RIMS2: variants seen among roughly 807,000 people sequenced by gnomAD.
RIMS2 encodes regulating synaptic membrane exocytosis 2.
Under a neutral mutation model 174.4 loss-of-function variants are expected in RIMS2, and 59 were observed. The observed-to-expected ratio is 0.34, with a 90% CI of 0.27 to 0.42. The LOEUF is 0.42. Among genes scored for constraint, RIMS2 ranks in the 10% least tolerant of loss-of-function variants. The probability of loss-of-function intolerance (pLI) is 1.00; values close to 1 mark genes in which losing one functional copy is unlikely to be tolerated. For synonymous variants in RIMS2, 606 were observed against 572.5 expected (o/e 1.06, Z -0.84); for missense variants, 1,620 against 1,666.3 (o/e 0.97, Z 0.48).
At chr8:103,789,182 A>G (rs2098472998) in intron 3 of RIMS2, among the ~76,000 whole-genome samples, 1 of 151,848 alleles carries the variant, frequency 6.6e-6, no homozygotes, top group African/African-American at 2.4e-5. Flanking sequence ...GGCACTCCCT[A>G]GTGAGATGAA....
intron 4 of RIMS2, among the ~76,000 whole-genome samples, chr8:103,905,780 T>C (rs562246905): frequency 8.6e-5 from 13 of 151,160 alleles, no homozygotes; most frequent in East Asian, 5.8e-4. Context: ...CTTTTCTTTT[T>C]TTTTTTTTTC....
chr8:103,830,201 C>G (rs1407432250), intron 3 of RIMS2, among the ~76,000 whole-genome samples: 1 of 151,812 alleles, frequency 6.6e-6, no homozygotes, highest in Non-Finnish European at 1.5e-5. Flanking sequence ...TTACTTTTCT[C>G]TCGTTTGTCT....
At chr8:103,923,422 A>G (rs2078115672) in intron 10 of RIMS2, among the ~76,000 whole-genome samples, 1 of 151,882 alleles carries the variant, frequency 6.6e-6, no homozygotes, top group African/African-American at 2.4e-5. Flanking sequence ...TTGGACTAGG[A>G]GGGGAGGATG....
In RIMS2 at chr8:104,033,140, C is replaced by T. The variant is rs2096436781; in HGVS notation, c.3334+18525C>T. 2.0e-5 allele frequency among the ~76,000 whole-genome samples: 3 copies of T among 151,714 alleles called. No homozygotes were observed. In the South Asian group the frequency reaches 6.2e-4, roughly 31 times the overall value. On this transcript the variant is annotated intron_variant, in intron 19 of 23. Transcript: ENST00000504942. ...CCTACTGAAAATGTAATAAAATAAA[C>T]TGGAATTCACATTGGGAATTTAAAT... is the stretch of plus-strand genomic sequence containing the variant.
At position 103,796,065 on chromosome 8, in the gene RIMS2, A is replaced by G. The variant is rs139488721; in HGVS notation, c.698+29528A>G. Among the ~76,000 whole-genome samples the G allele has an allele frequency of 2.6e-5, 4 of 152,160 alleles. No homozygotes were observed. In the East Asian group the frequency reaches 7.7e-4, roughly 29 times the overall value. ...CCTCTTGATTTTATAATATGTACAT[A>G]TTTATGATTTTGATTAATTTCATCC... is the stretch of plus-strand genomic sequence containing the variant. On this transcript the variant is annotated intron_variant, in intron 3 of 23. Coordinates refer to ENST00000504942, the Ensembl canonical transcript of RIMS2.
chr8:104,026,231 T>G (rs921323566), intron 19 of RIMS2, among the ~76,000 whole-genome samples: 1 of 152,264 alleles, frequency 6.6e-6, no homozygotes, highest in Non-Finnish European at 1.5e-5. Context: ...CATATTTCAA[T>G]GCATGTGTAA....
chr8:103,657,181 C>G (rs12681640), intron 1 of RIMS2, among the ~76,000 whole-genome samples: 9,934 of 152,174 alleles, frequency 0.065, 399 homozygotes, highest in South Asian at 0.088. Context: ...GAGTCACAGC[C>G]CAAGAGCACA....
At chr8:104,165,447 G>A (rs1036158595) in intron 19 of RIMS2, among the ~76,000 whole-genome samples, 7 of 150,870 alleles carry the variant, frequency 4.6e-5, no homozygotes, top group Non-Finnish European at 5.9e-5. Context: ...GAAACTTAGC[G>A]GGAAAAATTG....
At chr8:103,956,191 A>G (rs1419110611) in intron 14 of RIMS2, among the ~76,000 whole-genome samples, 1 of 152,222 alleles carries the variant, frequency 6.6e-6, no homozygotes, top group East Asian at 1.9e-4. Flanking sequence ...TAATTTATAC[A>G]TTTAATGCTA....
At chr8:103,619,261 A>ACTGT (rs71297221) in intron 1 of RIMS2, among the ~76,000 whole-genome samples, 27,551 of 151,836 alleles carry the variant, frequency 0.18, 2,714 homozygotes, top group African/African-American at 0.25. Flanking sequence ...TTCTGTAAAA[A>ACTGT]CTATTTCAGA....
intron 1 of RIMS2, among the ~76,000 whole-genome samples, chr8:103,693,339 G>A (rs1186333486): frequency 1.3e-5 from 2 of 152,090 alleles, no homozygotes; most frequent in African/African-American, 4.8e-5. Flanking sequence ...AAGTTAAAAC[G>A]AGGTACTGTA....
chr8:103,743,579 T>A (rs1489330272), intron 2 of RIMS2, among the ~76,000 whole-genome samples: 6 of 152,176 alleles, frequency 3.9e-5, no homozygotes, highest in African/African-American at 1.4e-4. Flanking sequence ...TACTTATGAT[T>A]TTATTGATAT....
At chr8:103,748,017 G>T (rs995651510) in intron 2 of RIMS2, among the ~76,000 whole-genome samples, 5 of 152,206 alleles carry the variant, frequency 3.3e-5, no homozygotes, top group Non-Finnish European at 7.4e-5. Context: ...TGATGCTATT[G>T]CTTTTTAGCA....
chr8:103,553,481 A>C (rs1849000158), intron 1 of RIMS2, among the ~76,000 whole-genome samples: 1 of 152,118 alleles, frequency 6.6e-6, no homozygotes, highest in Non-Finnish European at 1.5e-5. Flanking sequence ...TAGCATTAGG[A>C]GATATACCTA....
intron 1 of RIMS2, among the ~76,000 whole-genome samples, chr8:103,581,748 A>G (rs1054481177): frequency 6.6e-5 from 10 of 152,204 alleles, no homozygotes; most frequent in Non-Finnish European, 1.3e-4. Flanking sequence ...GAGGAGCAAG[A>G]TGGTGGATAG....
intron 7 of RIMS2, 61 bp from the exon 11 acceptor site, chr8:103,916,353 A>G: frequency 8.1e-7 from 1 of 1,231,602 alleles, no homozygotes; most frequent in Non-Finnish European, 1.2e-6. Flanking sequence ...AGATGCTCTT[A>G]AGTGTAATTT....
intron 19 of RIMS2, among the ~76,000 whole-genome samples, chr8:104,053,229 T>C (rs888889059): frequency 4.6e-5 from 7 of 152,166 alleles, no homozygotes; most frequent in Admixed American, 4.6e-4. Context: ...ACATGTTGCA[T>C]TGAACTCAAT....
At chr8:103,826,758 T>G (rs2098793602) in intron 3 of RIMS2, among the ~76,000 whole-genome samples, 1 of 151,084 alleles carries the variant, frequency 6.6e-6, no homozygotes, top group East Asian at 1.9e-4. Context: ...CATAGCTGAC[T>G]ACAGCCTCCA....
intron 5 of RIMS2, among the ~76,000 whole-genome samples, chr8:103,911,505 T>C (rs17237727): frequency 0.13 from 20,201 of 152,128 alleles, 1,828 homozygotes; most frequent in Non-Finnish European, 0.2. Context: ...TATTGGGGCT[T>C]GTGTACACTT....
Sources: gnomAD v4.1 joint callset for allele counts (sites outside exome capture counted in the v4.1 genomes callset) on GRCh38, gnomAD v4.1.1 for gene constraint, MANE v1.5 for transcripts, NCBI Gene and HGNC (gene_info 2026-07-23, HGNC 2026-07-21) for gene names.